Variants in BCKDHB observed in about 807,000 individuals in gnomAD.
BCKDHB encodes 2-oxoisovalerate dehydrogenase subunit beta, mitochondrial.
BCKDHB carries 41 observed loss-of-function variants against 48.5 expected under a neutral mutation model. That is an observed-to-expected ratio of 0.85 (90% confidence interval 0.66 to 1.10). BCKDHB has a LOEUF of 1.10. BCKDHB is among the 50% of genes least tolerant of loss of function. BCKDHB has a pLI of 0.00. For missense variants in BCKDHB, 496 were observed against 494.2 expected, an observed-to-expected ratio of 1.00 and a Z score of -0.03; for synonymous variants, 201 against 174.8, an observed-to-expected ratio of 1.15 and a Z score of -1.18.
chr6:80,451,371 A>C, the BCKDHB span, among the ~76,000 whole-genome samples: 13 of 152,194 alleles, frequency 8.5e-5, no homozygotes, highest in African/African-American at 3.1e-4. Flanking sequence ...ATTCACCATT[A>C]GACTGTGCTT....
At chr6:80,367,016 C>T in the BCKDHB span, among the ~76,000 whole-genome samples, 6 of 152,176 alleles carry the variant, frequency 3.9e-5, no homozygotes, top group Non-Finnish European at 7.3e-5. Context: ...CAAAAATACT[C>T]TCTCTTAAAC....
intron 3 of BCKDHB, among the ~76,000 whole-genome samples, chr6:80,158,748 C>G (rs1181243211): frequency 6.6e-6 from 1 of 152,126 alleles, no homozygotes; most frequent in East Asian, 1.9e-4. Context: ...CTAGGAAGTT[C>G]ACTGCAGATA....
chr6:80,134,021 CTGAG>C (rs1177721728), intron 3 of BCKDHB, among the ~76,000 whole-genome samples: 9 of 151,932 alleles, frequency 5.9e-5, no homozygotes, highest in Non-Finnish European at 1.3e-4. Flanking sequence ...TTGTCATTCT[CTGAG>C]AGAGAGAGAA....
chr6:80,222,699 A>AAT (rs1775514010), intron 8 of BCKDHB, among the ~76,000 whole-genome samples: 2 of 152,112 alleles, frequency 1.3e-5, no homozygotes, highest in African/African-American at 2.4e-5. Flanking sequence ...TGTAATTTTT[A>AAT]ATATCCTTAT....
the BCKDHB span, among the ~76,000 whole-genome samples, chr6:80,366,209 C>T: frequency 6.6e-6 from 1 of 152,134 alleles, no homozygotes; most frequent in African/African-American, 2.4e-5. Context: ...TCCATGTGGG[C>T]CAGTTGGCTT....
chr6:80,381,596 G>A, the BCKDHB span, among the ~76,000 whole-genome samples: 2 of 151,974 alleles, frequency 1.3e-5, no homozygotes, highest in African/African-American at 2.4e-5. Context: ...GATGTCGTGT[G>A]TCATTTTTCA....
intron 8 of BCKDHB, among the ~76,000 whole-genome samples, chr6:80,254,333 A>G (rs756598530): frequency 2.2e-4 from 33 of 151,828 alleles, no homozygotes; most frequent in Non-Finnish European, 3.2e-4. Context: ...TTCCCTCTAA[A>G]TTCTATATTA....
the BCKDHB span, among the ~76,000 whole-genome samples, chr6:80,368,130 T>G: frequency 6.6e-6 from 1 of 152,170 alleles, no homozygotes; most frequent in African/African-American, 2.4e-5. Context: ...TCATTCACCT[T>G]TATAAATTCA....
the BCKDHB span, chr6:80,462,883 G>A: frequency 6.6e-6 from 1 of 152,106 alleles, no homozygotes; most frequent in Non-Finnish European, 1.5e-5. Context: ...TCTGCCGGAG[G>A]CCTCTCCAGA....
chr6:80,112,995 G>A (rs567702765), intron 1 of BCKDHB, among the ~76,000 whole-genome samples: 3 of 152,336 alleles, frequency 2.0e-5, no homozygotes, highest in South Asian at 2.1e-4. Flanking sequence ...GGAACCGGAG[G>A]TGGGTGCATT....
At chr6:80,465,161 T>A in the BCKDHB span, among the ~76,000 whole-genome samples, 1 of 152,172 alleles carries the variant, frequency 6.6e-6, no homozygotes, top group Admixed American at 6.5e-5. Context: ...TCCCCAAATG[T>A]AGAAGAGATG....
the BCKDHB span, among the ~76,000 whole-genome samples, chr6:80,361,128 A>G: frequency 2.0e-5 from 3 of 152,018 alleles, no homozygotes; most frequent in Non-Finnish European, 4.4e-5. Context: ...TCTATCCTGC[A>G]TGCCAGCTTC....
At chr6:80,297,315 A>G (rs1767307297) in intron 9 of BCKDHB, among the ~76,000 whole-genome samples, 1 of 152,196 alleles carries the variant, frequency 6.6e-6, no homozygotes, top group Non-Finnish European at 1.5e-5. Context: ...TAATTTTTGA[A>G]ACTGCCTTCA....
At chr6:80,250,838 T>G (rs572245015) in intron 8 of BCKDHB, among the ~76,000 whole-genome samples, 9 of 152,286 alleles carry the variant, frequency 5.9e-5, no homozygotes, top group African/African-American at 2.2e-4. Context: ...ACTTAACCTC[T>G]CTAGTCCTAA....
intron 8 of BCKDHB, among the ~76,000 whole-genome samples, chr6:80,216,891 A>C (rs1038287210): frequency 6.6e-6 from 1 of 152,320 alleles, no homozygotes; most frequent in East Asian, 1.9e-4. Context: ...AATTTAACTT[A>C]AAAATTTATT....
chr6:80,136,350 A>G (rs549128719), intron 3 of BCKDHB, among the ~76,000 whole-genome samples: 10 of 152,296 alleles, frequency 6.6e-5, no homozygotes, highest in African/African-American at 2.4e-4. Context: ...TGCCAATACC[A>G]TTCAACAGGG....
chr6:80,275,198 T>C (rs1320197697), intron 9 of BCKDHB, among the ~76,000 whole-genome samples: 2 of 152,056 alleles, frequency 1.3e-5, no homozygotes, highest in Admixed American at 1.3e-4. Flanking sequence ...TGCATTCTTT[T>C]TACAGATGAG....
chr6:80,419,864 T>C, the BCKDHB span, among the ~76,000 whole-genome samples: 3 of 152,228 alleles, frequency 2.0e-5, no homozygotes, highest in Non-Finnish European at 4.4e-5. Context: ...TTTGAATGGA[T>C]AATTTCAAAT....
chr6:80,129,020 A>G, intron 2 of BCKDHB, 141 bp from the exon 3 acceptor site: 1 of 671,686 alleles, frequency 1.5e-6, no homozygotes, highest in Non-Finnish European at 2.5e-6. Context: ...ATAATGTAGA[A>G]GTTGAGAAAC....
Sources: gnomAD v4.1 joint callset for allele counts (sites outside exome capture counted in the v4.1 genomes callset) on GRCh38, gnomAD v4.1.1 for gene constraint, MANE v1.5 for transcripts, NCBI Gene and HGNC (gene_info 2026-07-23, HGNC 2026-07-21) for gene names.